Variants in ZNF124 observed in about 807,000 individuals in gnomAD.
The protein encoded by ZNF124 is zinc finger protein HZF-16.
Under a neutral mutation model 26.6 loss-of-function variants are expected in ZNF124, and 25 were observed. The observed-to-expected ratio is 0.94, with a 90% confidence interval of 0.68 to 1.31. The LOEUF is 1.31. Among genes scored for constraint, ZNF124 ranks in the 40% most tolerant of loss-of-function variants. ZNF124 has a pLI of 0.00. For synonymous variants in ZNF124, 129 were observed against 133.3 expected, an observed-to-expected ratio of 0.97 and a Z score of 0.22; for missense variants, 444 against 422.2, an observed-to-expected ratio of 1.05 and a Z score of -0.45.
At chr1:247,140,008 C>G (rs941149053) in intron 3 of ZNF124, among the ~76,000 whole-genome samples, 1 of 152,020 alleles carries the variant, frequency 6.6e-6, no homozygotes, top group African/African-American at 2.4e-5. Flanking sequence ...CAGGGGTTCT[C>G]TGGTTTCCCT....
At chr1:247,140,872 G>A (rs1672609013) in intron 3 of ZNF124, among the ~76,000 whole-genome samples, 1 of 152,184 alleles carries the variant, frequency 6.6e-6, no homozygotes, top group African/African-American at 2.4e-5. Flanking sequence ...CCCTCTCAAT[G>A]TTCTGAAAGT....
chr1:247,144,780 C>CTT (rs5782417), intron 3 of ZNF124, among the ~76,000 whole-genome samples: 2,564 of 145,066 alleles, frequency 0.018, 83 homozygotes, highest in African/African-American at 0.059. Flanking sequence ...TTCTTTCTTT[C>CTT]TTTTTTTTTT....
At chr1:247,129,108 A>G (rs372228375) in intron 3 of ZNF124, among the ~76,000 whole-genome samples, 2 of 558 alleles carry the variant, frequency 3.6e-3, no homozygotes, top group Admixed American at 0.03. Context: ...GGGAGGGTGG[A>G]CATTGAGTAC....
At chr1:247,151,794 T>C (rs879209655), downstream of ZNF124, among the ~76,000 whole-genome samples, 1 of 151,732 alleles carries the variant, frequency 6.6e-6, no homozygotes, top group Non-Finnish European at 1.5e-5. Context: ...TTGTCTGATA[T>C]TCACACAACA....
At chr1:247,144,992 T>G (rs1314583647) in intron 3 of ZNF124, among the ~76,000 whole-genome samples, 1 of 152,080 alleles carries the variant, frequency 6.6e-6, no homozygotes, top group Non-Finnish European at 1.5e-5. Flanking sequence ...GCCAGGCCGG[T>G]CTCGAACTCC....
intron 3 of ZNF124, among the ~76,000 whole-genome samples, chr1:247,132,752 T>C (rs765011330): frequency 2.0e-5 from 3 of 152,198 alleles, no homozygotes; most frequent in Non-Finnish European, 4.4e-5. Flanking sequence ...AGAAAAGCAC[T>C]GTGAAAATCC....
intron 1 of ZNF124, among the ~76,000 whole-genome samples, chr1:247,170,572 C>G (rs908745314): frequency 1.4e-5 from 2 of 144,002 alleles, no homozygotes; most frequent in African/African-American, 2.8e-5. Flanking sequence ...CCTCAGACAC[C>G]GAGTTAAAGA....
At chr1:247,139,934 AT>A (rs1672583071) in intron 3 of ZNF124, among the ~76,000 whole-genome samples, 1 of 151,846 alleles carries the variant, frequency 6.6e-6, no homozygotes, top group South Asian at 2.1e-4. Context: ...TCTTTCTTTT[AT>A]TTTGACCATG....
rs374974185 is a variant in ZNF124, at chr1:247,165,479, T to A, written c.31-5666A>T. Among the ~76,000 whole-genome samples the A allele has an allele frequency of 3.8e-4, 58 of 152,156 alleles. No homozygotes were observed. The East Asian group carries it at 8.7e-3, about 23-fold the overall frequency. ...AAACCCTGGAAGATAACCTAGGAAATACCATTCTGGACATAGGACCTGGCA... is the reference window on the plus strand; with the variant it reads ...AAACCCTGGAAGATAACCTAGGAAAAACCATTCTGGACATAGGACCTGGCA... On this transcript the variant is annotated intron_variant, in intron 1 of 3. Transcript: ENST00000543802.
In ZNF124 at chr1:247,156,920, A is replaced by G. The variant is rs764221749; in HGVS notation, c.702T>C (p.Tyr234=). The part of the protein sequence containing the change: ...HERTHTGEKP[Y]VCMECGKAFS... ...AAGCTTTGCCACATTCCATGCACAC[A>G]TAAGGTTTCTCTCCAGTGTGAGTTC... is the stretch of plus-strand genomic sequence containing the variant. The change falls in exon 4 of 4, where the codon TAT becomes TAC. Residue 234 remains tyrosine, a synonymous_variant. Coordinates refer to ENST00000543802, the MANE Select transcript of ZNF124 (RefSeq NM_001297568.2). The G allele has an allele frequency of 6.2e-7, 1 of 1,614,174 alleles. No individual in the cohort carries two copies. Among genetic ancestry groups the G allele is most frequent in the Non-Finnish European group, 8.5e-7 (1 of 1,180,030 alleles).
In ZNF124 at chr1:247,165,529, A is replaced by G. The variant is rs551817514; in HGVS notation, c.31-5716T>C. Among the ~76,000 whole-genome samples the G allele has an allele frequency of 2.5e-4, 38 of 152,346 alleles. 1 individual carries two copies. Among genetic ancestry groups the G allele is most frequent in the African/African-American group, 8.4e-4 (35 of 41,588 alleles). On this transcript the variant is annotated intron_variant, in intron 1 of 3. Transcript: ENST00000543802. ...AAGTATTTCATGATGAAGATGCCCA[A>G]AGCGACTGCCACAAAAGAAAAAGTT...
chr1:247,149,624 T>C (rs1672875118), intron 3 of ZNF124, among the ~76,000 whole-genome samples: 1 of 152,208 alleles, frequency 6.6e-6, no homozygotes, highest in Admixed American at 6.5e-5. Context: ...TAGATGGAGC[T>C]TAAAAACATT....
Position 247,157,084 on chromosome 1 carries a change from A to C in ZNF124, c.538T>G (p.Cys180Gly), listed in dbSNP as rs1673186975. The C allele has an allele frequency of 8.7e-6, 14 of 1,614,192 alleles. No individual in the cohort carries two copies. Among genetic ancestry groups the C allele is most frequent in the South Asian group, 2.2e-5 (2 of 91,082 alleles). The change falls in exon 4 of 4, where the codon TGT becomes GGT. Residue 180 changes from cysteine to glycine, a missense_variant. By Grantham distance (159) the Cys-to-Gly change is radical. Coordinates refer to ENST00000543802, the MANE Select transcript of ZNF124 (RefSeq NM_001297568.2). The part of the protein sequence containing the change: ...RIHTGEKRYE[C>G]KQCGKAFSRS... ...CTGAAGGCTTTCCCACATTGCTTAC[A>C]TTCATAGCGTTTTTCTCCAGTGTGA...
At chr1:247,152,285 G>C (rs560676541), downstream of ZNF124, among the ~76,000 whole-genome samples, 54 of 146,714 alleles carry the variant, frequency 3.7e-4, no homozygotes, top group Non-Finnish European at 6.6e-4. Context: ...ACAATTTCTA[G>C]GTTAAAAACA....
intron 3 of ZNF124, among the ~76,000 whole-genome samples, chr1:247,146,008 T>C (rs1201501327): frequency 2.0e-5 from 3 of 152,210 alleles, no homozygotes; most frequent in African/African-American, 7.2e-5. Context: ...GTTTCCTTTT[T>C]TCAGACAGTC....
chr1:247,169,253 C>T (rs1572105039), intron 1 of ZNF124, among the ~76,000 whole-genome samples: 1 of 152,114 alleles, frequency 6.6e-6, no homozygotes, highest in Admixed American at 6.5e-5. Context: ...AAGACCATCT[C>T]TCAAGCAGGA....
At chr1:247,160,009 C>T (rs780642140) in intron 1 of ZNF124, 196 bp from the exon 2 acceptor site, 70 of 455,054 alleles carry the variant, frequency 1.5e-4, no homozygotes, top group Admixed American at 4.7e-4. Context: ...TTTTTTGAGA[C>T]GGAGTCTCAC....
At chr1:247,143,199 T>C (rs1672672566) in intron 3 of ZNF124, among the ~76,000 whole-genome samples, 1 of 152,134 alleles carries the variant, frequency 6.6e-6, no homozygotes, top group Non-Finnish European at 1.5e-5. Flanking sequence ...ACAAATCAGT[T>C]TGAAACCAGG....
intron 3 of ZNF124, 119 bp from the exon 4 acceptor site, chr1:247,157,522 C>T (rs1194405553): frequency 1.1e-6 from 1 of 886,724 alleles, no homozygotes; most frequent in Non-Finnish European, 1.8e-6. Flanking sequence ...TTTTTCTACA[C>T]TGACTTATTT....
Sources: allele counts gnomAD v4.1 joint callset (sites outside exome capture counted in the v4.1 genomes callset), GRCh38; gene constraint gnomAD v4.1.1; transcripts MANE v1.5; gene names NCBI Gene and HGNC (gene_info 2026-07-23, HGNC 2026-07-21).